The following ADCYAP1R1 variants were observed in gnomAD, a reference collection of about 807,000 sequenced individuals.
ADCYAP1R1 encodes ADCYAP receptor type I.
A neutral mutation model predicts 67.6 loss-of-function variants in ADCYAP1R1; 44 were observed. The observed-to-expected ratio is 0.65, with a 90% CI of 0.51 to 0.84. The LOEUF (loss-of-function observed/expected upper bound fraction) is 0.84. ADCYAP1R1 is among the 40% of genes least tolerant of loss of function. The pLI, the probability that ADCYAP1R1 is intolerant of heterozygous loss-of-function variation, is 0.00. For synonymous variants in ADCYAP1R1, 222 were observed against 219.6 expected (o/e 1.01, Z -0.10); for missense variants, 477 against 587.9 (o/e 0.81, Z 1.95).
chr7:31,068,917 G>A (rs1044604125), intron 3 of ADCYAP1R1, among the ~76,000 whole-genome samples: 8 of 152,212 alleles, frequency 5.3e-5, no homozygotes, highest in Admixed American at 3.9e-4. Flanking sequence ...TACCCTGGCT[G>A]GAGCTGGGCT....
Position 31,106,763 on chromosome 7 carries a change from C to A in ADCYAP1R1, c.*79C>A, listed in dbSNP as rs1321477818. The A allele has an allele frequency of 4.8e-6, 7 of 1,448,886 alleles. No homozygotes were observed. The highest frequency in any genetic ancestry group is 5.5e-6 in the Non-Finnish European group (6 of 1,092,354). The allele number at this position is 1,448,886 out of a possible 1,614,324, so 89.8% of individuals were successfully genotyped here. A position where few individuals can be genotyped will look rare whatever the true frequency, so the allele number is the denominator to read the frequency against. On this transcript the variant is annotated 3_prime_UTR_variant, in exon 16 of 16. Coordinates refer to ENST00000304166, the MANE Select transcript of ADCYAP1R1 (RefSeq NM_001118.5). ...GGTGCCAGCCCACGCATGTTTGCGC[C>A]TCTTCCCTCCCCTTGGGCAGGCCCT...
intron 12 of ADCYAP1R1, among the ~76,000 whole-genome samples, chr7:31,087,936 A>C (rs1186814508): frequency 6.6e-6 from 1 of 152,246 alleles, no homozygotes; most frequent in East Asian, 1.9e-4. Context: ...AATTTTGAGC[A>C]TGTGGAAATA....
rs1295777058 is a variant in ADCYAP1R1, at chr7:31,109,385, T to A, written c.*2701T>A. The A allele has an allele frequency of 6.6e-6, 1 of 152,204 alleles. No homozygotes were observed. The highest frequency in any genetic ancestry group is 1.5e-5 in the Non-Finnish European group (1 of 68,074). The allele number at this position is 152,204 out of a possible 1,614,324, so 9.4% of individuals were successfully genotyped here. On this transcript the variant is annotated 3_prime_UTR_variant, in exon 16 of 16. Transcript: ENST00000304166. ...AAAATGGGCAATAAGACTAGATGAT[T>A]TGTATATAGCCCAATGCATCTCTGG... is the stretch of plus-strand genomic sequence containing the variant.
At chr7:31,080,234 T>G (rs1471087026) in intron 4 of ADCYAP1R1, among the ~76,000 whole-genome samples, 2 of 152,244 alleles carry the variant, frequency 1.3e-5, no homozygotes, top group Admixed American at 1.3e-4. Context: ...TTTTAGCACC[T>G]CTGTTCACAA....
At chr7:31,061,117 T>A (rs909783375) in intron 1 of ADCYAP1R1, among the ~76,000 whole-genome samples, 1 of 152,220 alleles carries the variant, frequency 6.6e-6, no homozygotes, top group Non-Finnish European at 1.5e-5. Flanking sequence ...CACCTCAACG[T>A]GTTGCTGGGA....
chr7:31,070,747 T>A (rs992025331), intron 3 of ADCYAP1R1, among the ~76,000 whole-genome samples: 1 of 152,208 alleles, frequency 6.6e-6, no homozygotes, highest in Non-Finnish European at 1.5e-5. Flanking sequence ...TTCTAAAACT[T>A]GAATATCAGA....
intron 3 of ADCYAP1R1, among the ~76,000 whole-genome samples, chr7:31,074,582 T>A (rs1444999358): frequency 6.6e-6 from 1 of 152,234 alleles, no homozygotes; most frequent in Non-Finnish European, 1.5e-5. Flanking sequence ...TGCCTGAGCC[T>A]AATGTTCTCC....
At chr7:31,058,958 A>C (rs151168686) in intron 1 of ADCYAP1R1, among the ~76,000 whole-genome samples, 1 of 152,346 alleles carries the variant, frequency 6.6e-6, no homozygotes, top group East Asian at 1.9e-4. Context: ...GCTAGTAACT[A>C]TTTCAGGCAG....
intron 7 of ADCYAP1R1, 69 bp from the exon 8 acceptor site, chr7:31,084,668 C>T (rs572424546): frequency 2.2e-6 from 3 of 1,336,314 alleles, no homozygotes; most frequent in Admixed American, 1.7e-5. Context: ...AGACTGGGTG[C>T]AGGCCTGAGG....
chr7:31,087,684 T>G lies in ADCYAP1R1; in HGVS notation c.942T>G (p.Val314=), dbSNP rs778470309. ...GGTGGGTGATCAAAGGCCCTGTGGT[T>G]GGCTCTATCATGGTGAGTGTCCTTG... is the stretch of plus-strand genomic sequence containing the variant. ...ALWWVIKGPV[V]GSIMVNFVLF... Residue 314 remains valine, a synonymous_variant, in exon 12 of 16, where the codon GTT becomes GTG. Coordinates refer to ENST00000304166, the MANE Select transcript of ADCYAP1R1 (RefSeq NM_001118.5). 1.9e-6 allele frequency: 3 copies of G among 1,613,890 alleles called. No homozygotes were observed. Among genetic ancestry groups the G allele is most frequent in the Non-Finnish European group, 2.5e-6 (3 of 1,179,866 alleles).
chr7:31,074,008 G>A (rs1795098249), intron 3 of ADCYAP1R1, among the ~76,000 whole-genome samples: 1 of 152,182 alleles, frequency 6.6e-6, no homozygotes, highest in African/African-American at 2.4e-5. Flanking sequence ...CCCGGCCTGG[G>A]GTGGGGCACC....
intron 11 of ADCYAP1R1, among the ~76,000 whole-genome samples, chr7:31,087,407 G>A (rs1483903147): frequency 6.6e-6 from 1 of 152,210 alleles, no homozygotes; most frequent in Non-Finnish European, 1.5e-5. Flanking sequence ...CTTGATAGGT[G>A]AGCAGAGGGA....
At chr7:31,096,013 G>T (rs936937083) in intron 13 of ADCYAP1R1, among the ~76,000 whole-genome samples, 1 of 152,164 alleles carries the variant, frequency 6.6e-6, no homozygotes, top group Non-Finnish European at 1.5e-5. Context: ...GGTGAGGGGG[G>T]TTAGGGCTTA....
At chr7:31,103,477 G>A in intron 14 of ADCYAP1R1, 111 bp downstream of exon 14, 1 of 1,487,096 alleles carries the variant, frequency 6.7e-7, no homozygotes, top group South Asian at 1.3e-5. Context: ...GAGTGCTAGA[G>A]TAGAGGTGAT....
intron 13 of ADCYAP1R1, chr7:31,100,262 C>T (rs545631924): frequency 9.4e-5 from 142 of 1,507,992 alleles, no homozygotes; most frequent in Middle Eastern, 6.0e-4. Context: ...GGGTGGGGGA[C>T]GCATGCTGCC....
chr7:31,100,134 G>C, intron 13 of ADCYAP1R1: 2 of 1,550,516 alleles, frequency 1.3e-6, no homozygotes, highest in Non-Finnish European at 1.7e-6. Context: ...CAGCAGCTGC[G>C]TGCAGAAATG....
chr7:31,080,731 G>A, intron 5 of ADCYAP1R1, 98 bp downstream of exon 5: 2 of 1,326,498 alleles, frequency 1.5e-6, no homozygotes, highest in Admixed American at 1.8e-5. Flanking sequence ...TGGGATTGGG[G>A]TGGGGGTGGA....
At chr7:31,077,877 GTGTGGTGTC>G (rs1178598572) in intron 3 of ADCYAP1R1, 105 bp from the exon 4 acceptor site, 10 of 614,234 alleles carry the variant, frequency 1.6e-5, no homozygotes, top group Non-Finnish European at 2.3e-5. Flanking sequence ...ATGTTGCTGT[GTGTGGTGTC>G]TGTGGTGTGT....
intron 12 of ADCYAP1R1, among the ~76,000 whole-genome samples, chr7:31,088,096 G>A (rs540431175): frequency 2.0e-5 from 3 of 152,062 alleles, no homozygotes; most frequent in Non-Finnish European, 4.4e-5. Flanking sequence ...CATTGTCTAC[G>A]CTTAATCAAT....
Sources: allele counts gnomAD v4.1 joint callset (sites outside exome capture counted in the v4.1 genomes callset), GRCh38; gene constraint gnomAD v4.1.1; transcripts MANE v1.5; gene names NCBI Gene and HGNC (gene_info 2026-07-23, HGNC 2026-07-21).